Variants in DLG2 observed in about 807,000 individuals in gnomAD.
DLG2 encodes disks large homolog 2.
DLG2 carries 45 observed loss-of-function variants against 132.5 expected under a neutral mutation model. The observed-to-expected ratio is 0.34, with a 90% CI of 0.27 to 0.44. The LOEUF is 0.44. DLG2 is among the 20% of genes least tolerant of loss of function. The pLI, the probability that DLG2 is intolerant of heterozygous loss-of-function variation, is 1.00. For synonymous variants in DLG2, 424 were observed against 419.6 expected (o/e 1.01, Z -0.13); for missense variants, 1,045 against 1,196.9 (o/e 0.87, Z 1.87).
intron 6 of DLG2, among the ~76,000 whole-genome samples, chr11:85,073,452 G>T (rs41507546): frequency 1.3e-5 from 2 of 151,722 alleles, no homozygotes; most frequent in Non-Finnish European, 1.5e-5. Context: ...TCAGGATTGC[G>T]TAAGTAAATT....
At chr11:85,192,765 T>C (rs1433791636) in intron 4 of DLG2, among the ~76,000 whole-genome samples, 1 of 152,156 alleles carries the variant, frequency 6.6e-6, no homozygotes, top group Non-Finnish European at 1.5e-5. Flanking sequence ...TTCTGTCATC[T>C]CCCTGAATCA....
chr11:83,654,921 T>A (rs144165961), intron 18 of DLG2, among the ~76,000 whole-genome samples: 435 of 152,332 alleles, frequency 2.9e-3, no homozygotes, highest in Non-Finnish European at 4.4e-3. Context: ...TGGGGACTGG[T>A]CCAGGTGCAG....
intron 6 of DLG2, among the ~76,000 whole-genome samples, chr11:84,707,054 T>A (rs2059860481): frequency 6.6e-6 from 1 of 151,718 alleles, no homozygotes; most frequent in African/African-American, 2.4e-5. Flanking sequence ...TCCTTTCTGG[T>A]CAGAAAAATC....
intron 17 of DLG2, among the ~76,000 whole-genome samples, chr11:83,823,636 G>A (rs929412996): frequency 6.6e-6 from 1 of 150,788 alleles, no homozygotes; most frequent in Admixed American, 6.6e-5. Context: ...AGAGAAGTGG[G>A]CAAAGATGAG....
intron 3 of DLG2, among the ~76,000 whole-genome samples, chr11:85,530,448 T>A (rs1337980460): frequency 6.6e-6 from 1 of 151,822 alleles, no homozygotes; most frequent in East Asian, 1.9e-4. Context: ...AGCCTTCTGA[T>A]TAGTTGCAAT....
chr11:83,477,409 T>C (rs2092703623), intron 22 of DLG2, among the ~76,000 whole-genome samples: 1 of 152,122 alleles, frequency 6.6e-6, no homozygotes, highest in Non-Finnish European at 1.5e-5. Context: ...TAAATATAGT[T>C]GGAAAACCTA....
chr11:84,198,654 G>A (rs766259177), intron 8 of DLG2, among the ~76,000 whole-genome samples: 58 of 152,032 alleles, frequency 3.8e-4, no homozygotes, highest in Middle Eastern at 3.4e-3. Flanking sequence ...TCAAATAAAT[G>A]GTATACCTGA....
intron 6 of DLG2, among the ~76,000 whole-genome samples, chr11:84,987,717 T>C (rs1021585908): frequency 3.3e-5 from 5 of 152,160 alleles, no homozygotes; most frequent in Admixed American, 6.5e-5. Flanking sequence ...GCAAGCCACA[T>C]GTAAGAGAAT....
At chr11:84,762,964 GA>G (rs934786042) in intron 6 of DLG2, among the ~76,000 whole-genome samples, 6 of 150,792 alleles carry the variant, frequency 4.0e-5, no homozygotes, top group South Asian at 2.1e-4. Context: ...TATCCAAATT[GA>G]AAAAAAAATA....
chr11:84,843,715 G>C (rs2081004941), intron 6 of DLG2, among the ~76,000 whole-genome samples: 1 of 151,758 alleles, frequency 6.6e-6, no homozygotes, highest in Non-Finnish European at 1.5e-5. Context: ...TATGGAAATA[G>C]TTGTTATACT....
intron 14 of DLG2, among the ~76,000 whole-genome samples, chr11:83,957,933 T>C (rs1358506297): frequency 1.3e-5 from 2 of 152,212 alleles, no homozygotes; most frequent in African/African-American, 4.8e-5. Context: ...CTTCATATTG[T>C]TCTCTTCCCC....
At chr11:84,726,388 G>A (rs1322444886) in intron 6 of DLG2, among the ~76,000 whole-genome samples, 1 of 152,066 alleles carries the variant, frequency 6.6e-6, no homozygotes, top group Non-Finnish European at 1.5e-5. Flanking sequence ...TCTTGTGATA[G>A]TTTGCTGAGA....
At chr11:83,685,471 C>T (rs1051983686) in intron 18 of DLG2, among the ~76,000 whole-genome samples, 4 of 152,114 alleles carry the variant, frequency 2.6e-5, no homozygotes, top group African/African-American at 9.7e-5. Context: ...TTCCCTGAAT[C>T]GATCATTGTC....
chr11:85,583,590 T>C (rs114144365), intron 3 of DLG2, among the ~76,000 whole-genome samples: 88 of 152,294 alleles, frequency 5.8e-4, no homozygotes, highest in African/African-American at 2.1e-3. Flanking sequence ...GAGCACTTTC[T>C]GATGTAAAAG....
chr11:84,086,736 C>T (rs911969111), intron 10 of DLG2, among the ~76,000 whole-genome samples: 26 of 152,066 alleles, frequency 1.7e-4, no homozygotes, highest in East Asian at 5.8e-4. Context: ...GCAATCTGCC[C>T]GCCTTAGCCT....
intron 7 of DLG2, among the ~76,000 whole-genome samples, chr11:84,362,193 A>C (rs767546378): frequency 1.3e-5 from 2 of 152,042 alleles, no homozygotes; most frequent in Non-Finnish European, 2.9e-5. Context: ...TCAAGGATAT[A>C]GGCTTTATCT....
intron 4 of DLG2, among the ~76,000 whole-genome samples, chr11:85,273,661 T>C (rs2077693362): frequency 6.6e-6 from 1 of 152,230 alleles, no homozygotes; most frequent in Non-Finnish European, 1.5e-5. Context: ...TTGGTGGGAC[T>C]GTAAACTAGT....
intron 3 of DLG2, among the ~76,000 whole-genome samples, chr11:85,350,363 G>T (rs1013825572): frequency 1.3e-5 from 2 of 152,164 alleles, no homozygotes; most frequent in Non-Finnish European, 2.9e-5. Context: ...TAGGTTGCCT[G>T]TTCACTATGC....
chr11:85,449,499 A>T (rs567877341), intron 3 of DLG2, among the ~76,000 whole-genome samples: 2 of 151,810 alleles, frequency 1.3e-5, no homozygotes, highest in African/African-American at 4.8e-5. Context: ...TTTATTTCCT[A>T]TTCTGCCCCT....
Sources: gnomAD v4.1 joint callset for allele counts (sites outside exome capture counted in the v4.1 genomes callset) on GRCh38, gnomAD v4.1.1 for gene constraint, MANE v1.5 for transcripts, NCBI Gene and HGNC (gene_info 2026-07-23, HGNC 2026-07-21) for gene names.